Variants in PVALB observed in about 807,000 individuals in gnomAD.
PVALB encodes the protein parvalbumin alpha.
A neutral mutation model predicts 10.9 loss-of-function variants in PVALB; 11 were observed. The ratio of observed to expected loss-of-function variants is 1.01; its 90% CI spans 0.63 to 1.67. The LOEUF (loss-of-function observed/expected upper bound fraction) is 1.67, where lower values mean the gene tolerates loss of function less well. Among genes scored for constraint, PVALB ranks in the 40% most tolerant of loss-of-function variants. The pLI, the probability that PVALB is intolerant of heterozygous loss-of-function variation, is 0.00. For synonymous variants in PVALB, 57 were observed against 50.7 expected, an observed-to-expected ratio of 1.12 and a Z score of -0.53; for missense variants, 131 against 136.2, an observed-to-expected ratio of 0.96 and a Z score of 0.19.
chr22:36,805,129 ATGAG>A (rs764618035), intron 3 of PVALB, among the ~76,000 whole-genome samples: 1 of 152,064 alleles, frequency 6.6e-6, no homozygotes, highest in Non-Finnish European at 1.5e-5. Context: ...TGCTTTTCTT[ATGAG>A]TGAGTGTTGG....
intron 3 of PVALB, among the ~76,000 whole-genome samples, chr22:36,812,256 G>C (rs1329049468): frequency 6.6e-6 from 1 of 152,126 alleles, no homozygotes; most frequent in Admixed American, 6.5e-5. Flanking sequence ...AGAGCATGGG[G>C]GTCTGGGCTT....
intron 1 of PVALB, 109 bp downstream of exon 1, chr22:36,816,836 T>A (rs1353105009): frequency 8.5e-6 from 8 of 941,128 alleles, no homozygotes. Context: ...GCGGGAAGTG[T>A]GGGCAGAAGC....
At chr22:36,805,430 T>C (rs550215018) in intron 3 of PVALB, among the ~76,000 whole-genome samples, 1 of 152,354 alleles carries the variant, frequency 6.6e-6, no homozygotes, top group African/African-American at 2.4e-5. Context: ...AAACGCCTAG[T>C]TGCTGCCCGG....
At chr22:36,805,059 T>C (rs1227988020) in intron 3 of PVALB, among the ~76,000 whole-genome samples, 3 of 152,254 alleles carry the variant, frequency 2.0e-5, no homozygotes, top group African/African-American at 2.4e-5. Flanking sequence ...GGTCGGGTTC[T>C]AGTCTTGGCT....
chr22:36,814,246 C>T (rs567130995), intron 2 of PVALB, among the ~76,000 whole-genome samples: 1 of 148,908 alleles, frequency 6.7e-6, no homozygotes, highest in South Asian at 2.2e-4. Flanking sequence ...ACCTGGAGGA[C>T]AGGGGGAAGT....
intron 3 of PVALB, among the ~76,000 whole-genome samples, chr22:36,804,559 G>A (rs1432023032): frequency 1.3e-5 from 2 of 152,220 alleles, no homozygotes; most frequent in African/African-American, 4.8e-5. Flanking sequence ...CCTCAGGGCT[G>A]AGCTCTTAGG....
rs140945004 is a variant in PVALB, at chr22:36,801,714, T to A, written c.305-796A>T. Among the ~76,000 whole-genome samples, 456 of 152,200 alleles carry A rather than the reference T, an allele frequency of 3.0e-3. 5 individuals are homozygous for A. Among genetic ancestry groups the A allele is most frequent in the African/African-American group, 0.01 (427 of 41,526 alleles). ...ACTCCAAAGTCTGAGGCAGGAGAATTGCTTGATCCCAGAAGGCAGAGGTTG... is the reference window on the plus strand; with the variant it reads ...ACTCCAAAGTCTGAGGCAGGAGAATAGCTTGATCCCAGAAGGCAGAGGTTG... On this transcript the variant is annotated intron_variant, in intron 3 of 3. Coordinates refer to ENST00000417718, the MANE Select transcript of PVALB (RefSeq NM_001315532.2).
Position 36,800,750 on chromosome 22 carries a change from G to A in PVALB, c.*140C>T, listed in dbSNP as rs1189652627. On this transcript the variant is annotated 3_prime_UTR_variant, in exon 4 of 4. Coordinates refer to ENST00000417718, the MANE Select transcript of PVALB (RefSeq NM_001315532.2). ...TTCTCCAGCATTTTCCAGAAGAATG[G>A]TGTCATTAGAGGGCCACAGGGGATG... The A allele has an allele frequency of 3.3e-6, 3 of 904,674 alleles. No individual in the cohort carries two copies. The highest frequency in any genetic ancestry group is 2.3e-4 in the Middle Eastern group (1 of 4,432). The allele number at this position is 904,674 out of a possible 1,614,324, so 56.0% of individuals were successfully genotyped here. A position where few individuals can be genotyped will look rare whatever the true frequency, so the allele number is the denominator to read the frequency against.
At chr22:36,814,865 A>G (rs1387789890) in intron 2 of PVALB, among the ~76,000 whole-genome samples, 1 of 152,320 alleles carries the variant, frequency 6.6e-6, no homozygotes, top group African/African-American at 2.4e-5. Context: ...TTAAGTGGCT[A>G]TCATTTAACC....
intron 3 of PVALB, among the ~76,000 whole-genome samples, chr22:36,804,568 G>A (rs184845805): frequency 2.0e-5 from 3 of 152,326 alleles, no homozygotes; most frequent in Admixed American, 2.0e-4. Context: ...TGAGCTCTTA[G>A]GAGCCAGCCA....
At chr22:36,805,162 C>A (rs777617588) in intron 3 of PVALB, among the ~76,000 whole-genome samples, 1 of 152,128 alleles carries the variant, frequency 6.6e-6, no homozygotes, top group Non-Finnish European at 1.5e-5. Flanking sequence ...GACGCCTTTC[C>A]AGCTGTCACA....
At chr22:36,815,332 A>ACATG (rs1939121999) in intron 1 of PVALB, 97 bp from the exon 2 acceptor site, 1 of 1,492,472 alleles carries the variant, frequency 6.7e-7, no homozygotes, top group African/African-American at 1.4e-5. Context: ...ATGGATTCCC[A>ACATG]CATGCCAGTC....
At chr22:36,813,785 G>A (rs201814592) in intron 2 of PVALB, 30 bp from the exon 3 acceptor site, 2 of 1,566,252 alleles carry the variant, frequency 1.3e-6, no homozygotes, top group Middle Eastern at 1.7e-4. Flanking sequence ...AAGCCGGTGA[G>A]GGAGTCAGGC....
At position 36,800,926 on chromosome 22, in the gene PVALB, AC is replaced by A; in HGVS notation, c.305-9del. The A allele has an allele frequency of 3.1e-6, 5 of 1,609,688 alleles. No homozygotes were observed. The highest frequency in any genetic ancestry group is 4.3e-6 in the Non-Finnish European group (5 of 1,176,220). On this transcript the variant is annotated splice_polypyrimidine_tract_variant and intron_variant, in intron 3 of 3. Transcript: ENST00000417718. ...CCACCAGAGTGGAGAATTCTGCAGA[AC>A]AAAATGACAAGGAAAGTGAGTCAGA...
Position 36,816,926 on chromosome 22 carries a change from G to T in PVALB, c.61+19C>A, listed in dbSNP as rs1939148970. On this transcript the variant is annotated intron_variant, in intron 1 of 3. Coordinates refer to ENST00000417718, the MANE Select transcript of PVALB (RefSeq NM_001315532.2). ...GTGGACGAGGGGAGAGGGATGGGGA[G>T]GGGAGCGCGCTTGCTCACCGCTAAA... The T allele has an allele frequency of 6.3e-7, 1 of 1,594,112 alleles. No homozygotes were observed. The highest frequency in any genetic ancestry group is 8.5e-7 in the Non-Finnish European group (1 of 1,172,768).
intron 3 of PVALB, among the ~76,000 whole-genome samples, chr22:36,811,696 C>G (rs1383140401): frequency 6.6e-6 from 1 of 152,094 alleles, no homozygotes; most frequent in Non-Finnish European, 1.5e-5. Flanking sequence ...ATATTGGCTG[C>G]AAATAAAAAT....
At chr22:36,813,804 C>A in intron 2 of PVALB, 49 bp from the exon 3 acceptor site, 3 of 1,398,360 alleles carry the variant, frequency 2.1e-6, no homozygotes, top group Non-Finnish European at 2.0e-6. Context: ...GCCGAGGTCG[C>A]CTTGCAGGAC....
intron 3 of PVALB, among the ~76,000 whole-genome samples, chr22:36,804,749 C>A (rs1043275379): frequency 3.9e-5 from 6 of 152,188 alleles, no homozygotes; most frequent in Admixed American, 3.9e-4. Context: ...GCCTGATCAA[C>A]ATGGTGAAAC....
chr22:36,817,112 C>A, upstream of PVALB: 3 of 1,080,892 alleles, frequency 2.8e-6, no homozygotes, highest in East Asian at 3.2e-5. Context: ...GCCGGGCGCA[C>A]GCCCGCCGGG....
Sources: allele counts gnomAD v4.1 joint callset (sites outside exome capture counted in the v4.1 genomes callset), GRCh38; gene constraint gnomAD v4.1.1; transcripts MANE v1.5; gene names NCBI Gene and HGNC (gene_info 2026-07-23, HGNC 2026-07-21).